FSTL5: variants seen among roughly 807,000 people sequenced by gnomAD.
FSTL5 encodes the protein follistatin like 5, also known as follistatin-related protein 5.
A neutral mutation model predicts 89.1 loss-of-function variants in FSTL5; 62 were observed. That is an observed-to-expected ratio of 0.70 (90% CI 0.57 to 0.86). FSTL5 has a LOEUF of 0.86. FSTL5 is among the 40% of genes least tolerant of loss of function. The pLI is 0.00. For synonymous variants in FSTL5, 383 were observed against 346.2 expected, an observed-to-expected ratio of 1.11 and a Z score of -1.18; for missense variants, 1,057 against 1,001.6, an observed-to-expected ratio of 1.06 and a Z score of -0.75.
At chr4:161,670,171 T>C (rs972935666) in intron 6 of FSTL5, among the ~76,000 whole-genome samples, 7 of 152,156 alleles carry the variant, frequency 4.6e-5, no homozygotes, top group African/African-American at 9.7e-5. Context: ...GTGTGGTAGA[T>C]TGGGAAGAGA....
chr4:161,596,385 C>T (rs540810342), intron 7 of FSTL5, among the ~76,000 whole-genome samples: 3 of 151,576 alleles, frequency 2.0e-5, no homozygotes, highest in Non-Finnish European at 4.4e-5. Flanking sequence ...AATTATTAAG[C>T]AAACAAAAAT....
intron 7 of FSTL5, among the ~76,000 whole-genome samples, chr4:161,645,355 A>G (rs1279563365): frequency 2.0e-5 from 3 of 151,486 alleles, no homozygotes; most frequent in African/African-American, 7.2e-5. Flanking sequence ...TACCAGTTAC[A>G]CAAACTCCTT....
At chr4:161,835,796 A>G (rs1289017240) in intron 4 of FSTL5, among the ~76,000 whole-genome samples, 1 of 152,112 alleles carries the variant, frequency 6.6e-6, no homozygotes, top group Non-Finnish European at 1.5e-5. Context: ...TTAAAAAGTC[A>G]GGAAACAACA....
At chr4:162,057,377 A>T (rs1165621428) in intron 2 of FSTL5, among the ~76,000 whole-genome samples, 1 of 152,202 alleles carries the variant, frequency 6.6e-6, no homozygotes, top group Non-Finnish European at 1.5e-5. Context: ...AGCTAAAAGT[A>T]AAACAAAACA....
At chr4:161,987,946 G>T (rs1263452874) in intron 3 of FSTL5, among the ~76,000 whole-genome samples, 1 of 137,672 alleles carries the variant, frequency 7.3e-6, no homozygotes, top group African/African-American at 2.8e-5. Flanking sequence ...GACTTAGAAA[G>T]TGAGTCTCAG....
intron 6 of FSTL5, among the ~76,000 whole-genome samples, chr4:161,661,312 C>G (rs557293500): frequency 2.6e-5 from 4 of 152,066 alleles, no homozygotes; most frequent in Non-Finnish European, 5.9e-5. Context: ...AAACACTAGA[C>G]TCATAATCTT....
chr4:161,533,711 C>T (rs993642788), intron 10 of FSTL5, among the ~76,000 whole-genome samples: 1 of 152,092 alleles, frequency 6.6e-6, no homozygotes, highest in African/African-American at 2.4e-5. Context: ...GGCCTTCTCT[C>T]TAACTTATTC....
intron 3 of FSTL5, among the ~76,000 whole-genome samples, chr4:161,946,572 G>C (rs1734739882): frequency 6.6e-6 from 1 of 151,990 alleles, no homozygotes; most frequent in Non-Finnish European, 1.5e-5. Flanking sequence ...AATCATTCAG[G>C]TTGCTCTTTC....
In FSTL5 at chr4:161,385,294, T is replaced by C. The variant is rs1017981984; in HGVS notation, c.*453A>G. The C allele has an allele frequency of 6.4e-6, 1 of 156,936 alleles. No individual in the cohort carries two copies. The highest frequency in any genetic ancestry group is 2.4e-5 in the African/African-American group (1 of 41,466). The allele number at this position is 156,936 out of a possible 1,614,324, so 9.7% of individuals were successfully genotyped here. Reference sequence around the variant, plus strand: ...ATTCCCTTCAAGGCACAAAATATTATAAACAGTGGACAGGACCGAATATTT... The same window carrying C: ...ATTCCCTTCAAGGCACAAAATATTACAAACAGTGGACAGGACCGAATATTT... On this transcript the variant is annotated 3_prime_UTR_variant, in exon 16 of 16. Coordinates refer to ENST00000306100, the MANE Select transcript of FSTL5 (RefSeq NM_020116.5).
chr4:161,431,066 A>G (rs1424436725), intron 15 of FSTL5, among the ~76,000 whole-genome samples: 2 of 152,214 alleles, frequency 1.3e-5, no homozygotes, highest in Non-Finnish European at 1.5e-5. Context: ...AAAGACAGTT[A>G]TCTGATCTGA....
chr4:162,094,035 T>C (rs143463055), intron 2 of FSTL5, among the ~76,000 whole-genome samples: 169 of 152,274 alleles, frequency 1.1e-3, no homozygotes, highest in African/African-American at 3.9e-3. Context: ...TAAGAACCAT[T>C]TTGATATATT....
chr4:161,752,874 G>A (rs1056453447), intron 6 of FSTL5, among the ~76,000 whole-genome samples: 16 of 152,218 alleles, frequency 1.1e-4, no homozygotes, highest in Non-Finnish European at 1.9e-4. Context: ...ACCAGACAGC[G>A]TTCTCTCTCT....
intron 14 of FSTL5, 142 bp downstream of exon 14, chr4:161,459,070 C>T (rs1297197738): frequency 4.8e-5 from 27 of 562,234 alleles, no homozygotes; most frequent in South Asian, 2.1e-4. Context: ...ACTTTTTTGC[C>T]TTTTTCTGTG....
At chr4:161,983,166 A>G (rs984636193) in intron 3 of FSTL5, among the ~76,000 whole-genome samples, 8 of 152,202 alleles carry the variant, frequency 5.3e-5, no homozygotes, top group African/African-American at 1.9e-4. Context: ...TAAGGAAACC[A>G]TATGTCATTC....
intron 8 of FSTL5, among the ~76,000 whole-genome samples, chr4:161,572,001 C>A (rs1223065392): frequency 6.6e-6 from 1 of 152,072 alleles, no homozygotes; most frequent in Non-Finnish European, 1.5e-5. Flanking sequence ...ACAACTAGCT[C>A]TCTTGTAGTA....
intron 2 of FSTL5, among the ~76,000 whole-genome samples, chr4:162,079,719 G>A (rs1730012910): frequency 6.6e-6 from 1 of 151,248 alleles, no homozygotes; most frequent in African/African-American, 2.4e-5. Flanking sequence ...GAAGGATTTA[G>A]GAAGGCTCAA....
At chr4:162,048,576 A>G (rs367625118) in intron 2 of FSTL5, among the ~76,000 whole-genome samples, 122 of 144,924 alleles carry the variant, frequency 8.4e-4, no homozygotes, top group African/African-American at 3.0e-3. Flanking sequence ...CTGCACATGT[A>G]CATTTAATAC....
intron 3 of FSTL5, among the ~76,000 whole-genome samples, chr4:162,028,280 A>C (rs1737377564): frequency 6.6e-6 from 1 of 152,158 alleles, no homozygotes; most frequent in Non-Finnish European, 1.5e-5. Context: ...TATAATTCAT[A>C]ATAATGCATG....
chr4:161,808,934 C>G (rs1730055512), intron 4 of FSTL5, among the ~76,000 whole-genome samples: 1 of 152,046 alleles, frequency 6.6e-6, no homozygotes, highest in Non-Finnish European at 1.5e-5. Context: ...AAACGTAAAT[C>G]ATGACCGGGT....
Sources: allele counts gnomAD v4.1 joint callset (sites outside exome capture counted in the v4.1 genomes callset), GRCh38; gene constraint gnomAD v4.1.1; transcripts MANE v1.5; gene names NCBI Gene and HGNC (gene_info 2026-07-23, HGNC 2026-07-21).